The following FGGY variants were observed in gnomAD, a reference collection of about 807,000 sequenced individuals.
FGGY encodes the protein FGGY carbohydrate kinase domain containing.
Under a neutral mutation model 71.3 loss-of-function variants are expected in FGGY, and 72 were observed. That is an observed-to-expected ratio of 1.01 (90% confidence interval 0.84 to 1.23). The LOEUF (loss-of-function observed/expected upper bound fraction) is 1.23, where lower values mean the gene tolerates loss of function less well. Among genes scored for constraint, FGGY ranks in the 50% most tolerant of loss-of-function variants. The pLI is 0.00. For missense variants in FGGY, 668 were observed against 682.3 expected (o/e 0.98, Z 0.23); for synonymous variants, 251 against 250.3 (o/e 1.00, Z -0.02).
Position 59,608,769 on chromosome 1 carries a change from A to G in FGGY, c.1011+859A>G, listed in dbSNP as rs143385335. On this transcript the variant is annotated intron_variant, in intron 9 of 15. Coordinates refer to ENST00000303721, the MANE Select transcript of FGGY (RefSeq NM_018291.5). ...GGAGAATCACTTGAATCTGGGAGGC[A>G]CAGATTACAGTGAACTGAGAATGCA... 1.1e-4 allele frequency among the ~76,000 whole-genome samples: 17 copies of G among 152,288 alleles called. 1 individual carries two copies. Among genetic ancestry groups the G allele is most frequent in the African/African-American group, 3.6e-4 (15 of 41,576 alleles).
intron 8 of FGGY, among the ~76,000 whole-genome samples, chr1:59,582,866 C>G (rs1366617283): frequency 6.7e-6 from 1 of 150,218 alleles, no homozygotes; most frequent in African/African-American, 2.5e-5. Flanking sequence ...CACTTGGATT[C>G]AGGTCTGAAG....
chr1:59,537,258 G>T (rs2095342538), intron 7 of FGGY, among the ~76,000 whole-genome samples: 1 of 151,888 alleles, frequency 6.6e-6, no homozygotes, highest in Non-Finnish European at 1.5e-5. Context: ...TTGCTTCAAA[G>T]AGAATAAAAT....
chr1:59,576,059 C>A (rs1460695467), intron 8 of FGGY, among the ~76,000 whole-genome samples: 1 of 152,096 alleles, frequency 6.6e-6, no homozygotes, highest in Non-Finnish European at 1.5e-5. Flanking sequence ...TGGTATTATG[C>A]TGAACAGTTG....
At chr1:59,723,565 G>A (rs568873779) in intron 14 of FGGY, among the ~76,000 whole-genome samples, 8 of 146,972 alleles carry the variant, frequency 5.4e-5, no homozygotes, top group African/African-American at 1.8e-4. Flanking sequence ...TTTTTTTTTG[G>A]GGGGGGGTGG....
At chr1:59,662,454 G>A (rs1288580799) in intron 12 of FGGY, among the ~76,000 whole-genome samples, 1 of 152,158 alleles carries the variant, frequency 6.6e-6, no homozygotes, top group Non-Finnish European at 1.5e-5. Context: ...GGCTCTGTGT[G>A]ATTAATTAAC....
chr1:59,655,766 C>G (rs1200967920), intron 11 of FGGY, among the ~76,000 whole-genome samples: 1 of 152,182 alleles, frequency 6.6e-6, no homozygotes, highest in African/African-American at 2.4e-5. Flanking sequence ...AAGTAATTCA[C>G]TTTGCAAATG....
At chr1:59,710,536 G>T (rs1249113625) in intron 14 of FGGY, among the ~76,000 whole-genome samples, 1 of 152,116 alleles carries the variant, frequency 6.6e-6, no homozygotes, top group Non-Finnish European at 1.5e-5. Context: ...GAAAATTTTT[G>T]CAATCTATCC....
intron 7 of FGGY, chr1:59,553,876 C>A: frequency 2.8e-6 from 1 of 356,550 alleles, no homozygotes; most frequent in Non-Finnish European, 5.1e-6. Context: ...ATCACAATTA[C>A]TGCCATTATT....
At chr1:59,537,312 G>C (rs944866734) in intron 7 of FGGY, among the ~76,000 whole-genome samples, 4 of 152,042 alleles carry the variant, frequency 2.6e-5, no homozygotes, top group African/African-American at 7.3e-5. Flanking sequence ...ACCTCTTCAA[G>C]GAGAACTACA....
chr1:59,642,625 C>CAAAAAAAAAAA (rs1250512969), intron 11 of FGGY, among the ~76,000 whole-genome samples: 1 of 57,618 alleles, frequency 1.7e-5, no homozygotes, highest in Non-Finnish European at 4.5e-5. Context: ...GACTCCGTCT[C>CAAAAAAAAAAA]AAAAAAAAAA....
intron 4 of FGGY, among the ~76,000 whole-genome samples, chr1:59,377,184 A>G (rs1479681910): frequency 6.6e-6 from 1 of 152,100 alleles, no homozygotes; most frequent in Non-Finnish European, 1.5e-5. Flanking sequence ...AACATGACTG[A>G]CAAGATCCTT....
At position 59,584,840 on chromosome 1, in the gene FGGY, A is replaced by G. The variant is rs1401485952; in HGVS notation, c.904-22963A>G. ...AGCAAAGTTTCAGGATACAAAATCA[A>G]TGTGCAAAAATCACAAGCATTCTTA... On this transcript the variant is annotated intron_variant, in intron 8 of 15. Coordinates refer to ENST00000303721, the MANE Select transcript of FGGY (RefSeq NM_018291.5). Among the ~76,000 whole-genome samples the G allele has an allele frequency of 4.0e-5, 6 of 150,172 alleles. 1 individual carries two copies. Among genetic ancestry groups the G allele is most frequent in the African/African-American group, 1.5e-4 (6 of 39,766 alleles).
At chr1:59,333,775 C>T (rs1388085255) in intron 2 of FGGY, among the ~76,000 whole-genome samples, 3 of 152,198 alleles carry the variant, frequency 2.0e-5, no homozygotes, top group African/African-American at 4.8e-5. Flanking sequence ...CTTTGTGACT[C>T]ATTGTCATGA....
chr1:59,758,086 A>T, intron 15 of FGGY, 94 bp downstream of exon 15: 1 of 818,980 alleles, frequency 1.2e-6, no homozygotes. Context: ...CAGGTGGTCA[A>T]CTAATCCAGT....
chr1:59,725,896 G>C (rs1457211911), intron 14 of FGGY, among the ~76,000 whole-genome samples: 1 of 152,058 alleles, frequency 6.6e-6, no homozygotes, highest in African/African-American at 2.4e-5. Context: ...TTTCCAGTAT[G>C]TATGCCTTCT....
intron 4 of FGGY, among the ~76,000 whole-genome samples, chr1:59,373,657 T>C (rs967873633): frequency 6.6e-6 from 1 of 152,244 alleles, no homozygotes; most frequent in African/African-American, 2.4e-5. Flanking sequence ...CTTCAAACTA[T>C]ACTACAAGTC....
chr1:59,471,810 C>G (rs775441135), intron 6 of FGGY, among the ~76,000 whole-genome samples: 1 of 152,218 alleles, frequency 6.6e-6, no homozygotes, highest in Non-Finnish European at 1.5e-5. Flanking sequence ...AATCAGTAAT[C>G]TCAAGGTTTT....
intron 6 of FGGY, among the ~76,000 whole-genome samples, chr1:59,510,560 C>G (rs1044817681): frequency 6.6e-6 from 1 of 152,186 alleles, no homozygotes; most frequent in African/African-American, 2.4e-5. Context: ...CTTTGAGCAT[C>G]TTATACTTAT....
chr1:59,369,756 G>A (rs926701822), intron 4 of FGGY, among the ~76,000 whole-genome samples: 4 of 152,204 alleles, frequency 2.6e-5, no homozygotes, highest in African/African-American at 4.8e-5. Flanking sequence ...CACGGTTCAC[G>A]AAAAACGACT....
Sources: allele counts gnomAD v4.1 joint callset (sites outside exome capture counted in the v4.1 genomes callset), GRCh38; gene constraint gnomAD v4.1.1; transcripts MANE v1.5; gene names NCBI Gene and HGNC (gene_info 2026-07-23, HGNC 2026-07-21).